Variants in PHLDB1 observed in about 807,000 individuals in gnomAD.
PHLDB1 encodes the protein pleckstrin homology like domain family B member 1, also known as pleckstrin homology-like domain family B member 1.
Under a neutral mutation model 139.3 loss-of-function variants are expected in PHLDB1, and 65 were observed. The observed-to-expected ratio is 0.47, with a 90% confidence interval of 0.38 to 0.57. PHLDB1 has a LOEUF of 0.57. Among genes scored for constraint, PHLDB1 ranks in the 20% least tolerant of loss-of-function variants. PHLDB1 has a pLI of 0.00. For synonymous variants in PHLDB1, 679 were observed against 734.5 expected, an observed-to-expected ratio of 0.92 and a Z score of 1.22; for missense variants, 1,624 against 1,839.7, an observed-to-expected ratio of 0.88 and a Z score of 2.14.
rs370269796 is a variant in PHLDB1 at position 118,632,251 on chromosome 11, G to C, written c.2334G>C (p.Glu778Asp). ...AGAAGGCAGTGGATCAGCTGCAGGA[G>C]AAGCTGGTGGCCTTGGAGACAGGCA... ...KEQKAVDQLQ[E>D]KLVALETGIQ... The change falls in exon 9 of 23, where the codon GAG (glutamate) becomes GAC (aspartate). Residue 778 changes from glutamate to aspartate, a missense_variant. Glu to Asp is a conservative substitution (Grantham distance 45, BLOSUM62 2). Coordinates refer to ENST00000600882, the MANE Select transcript of PHLDB1 (RefSeq NM_001144758.3). This position sits in a 1 kb window ranked among gnomAD's most constrained non-coding sequence, Gnocchi z 5.9. 1 of 1,613,618 alleles carries C rather than the reference G, an allele frequency of 6.2e-7. No homozygotes were observed.
chr11:118,655,869 T>C lies in PHLDB1; in HGVS notation c.3970T>C (p.Phe1324Leu). The change falls in exon 22 of 23, where the codon TTC (phenylalanine) becomes CTC (leucine). Residue 1324 changes from phenylalanine to leucine, a missense_variant. By Grantham distance (22) the Phe-to-Leu change is conservative (BLOSUM62 0). Coordinates refer to ENST00000600882, the MANE Select transcript of PHLDB1 (RefSeq NM_001144758.3). Reference protein sequence around the residue: ...HLRSAAKKRFFRFTMVTESPN... With the variant: ...HLRSAAKKRFLRFTMVTESPN... Reference sequence around the variant, plus strand: ...CCTCTCCCCTTCCCAGAAGAGGTTTTTCCGCTTCACTATGGTGACTGAGGT... The same window carrying C: ...CCTCTCCCCTTCCCAGAAGAGGTTTCTCCGCTTCACTATGGTGACTGAGGT... 1.9e-6 allele frequency: 3 copies of C among 1,612,864 alleles called. No individual in the cohort carries two copies. Among genetic ancestry groups the C allele is most frequent in the South Asian group, 2.2e-5 (2 of 91,050 alleles).
chr11:118,635,370 C>A (rs1555114526), intron 9 of PHLDB1, 23 bp from the exon 10 acceptor site: 2 of 1,555,486 alleles, frequency 1.3e-6, no homozygotes, highest in Admixed American at 3.9e-5. Context: ...ACCACCCAAC[C>A]CCCTTTGTCA....
At chr11:118,617,279 C>T (rs782736584) in intron 4 of PHLDB1, among the ~76,000 whole-genome samples, 24 of 152,188 alleles carry the variant, frequency 1.6e-4, no homozygotes, top group Non-Finnish European at 3.2e-4. Context: ...AGGACAGGAA[C>T]TTTGGGCTAA....
Position 118,631,997 on chromosome 11 carries a change from C to G in PHLDB1, c.2185C>G (p.Gln729Glu), listed in dbSNP as rs1015028325. 18 of 1,614,018 alleles carry G rather than the reference C, an allele frequency of 1.1e-5. No individual in the cohort carries two copies. The highest frequency in any genetic ancestry group is 1.7e-5 in the Admixed American group (1 of 60,014). Residue 729 changes from glutamine (Q) to glutamate (E), a missense_variant, in exon 8 of 23, where the codon CAG becomes GAG. Physicochemically the swap from Gln to Glu is conservative, Grantham distance 29. Coordinates refer to ENST00000600882, the MANE Select transcript of PHLDB1 (RefSeq NM_001144758.3). ...GGCTCAGGTGCTGGGGCACGTGGAGCAGCTCAAGGTCCGTGTGAAGGAGCT... is the reference window on the plus strand; with the variant it reads ...GGCTCAGGTGCTGGGGCACGTGGAGGAGCTCAAGGTCCGTGTGAAGGAGCT... ...ERAQVLGHVE[Q>E]LKVRVKELEQ...
intron 4 of PHLDB1, among the ~76,000 whole-genome samples, chr11:118,622,720 T>C (rs1416809197): frequency 6.6e-6 from 1 of 152,106 alleles, no homozygotes; most frequent in Non-Finnish European, 1.5e-5. Context: ...CCCTGTGAAC[T>C]CATCACCAGT....
chr11:118,649,977 A>T (rs1268979968), intron 18 of PHLDB1, 100 bp from the exon 19 acceptor site: 1 of 841,404 alleles, frequency 1.2e-6, no homozygotes, highest in Non-Finnish European at 2.1e-6. Flanking sequence ...GGGAGGTGTG[A>T]TGTCAGGCTG....
intron 20 of PHLDB1, chr11:118,653,656 GA>G (rs1948640619): frequency 6.6e-6 from 1 of 152,198 alleles, no homozygotes; most frequent in Non-Finnish European, 1.5e-5. Context: ...AGTTTCCTAA[GA>G]GAAGGGTCTC....
rs1240629292 is a variant in PHLDB1, at chr11:118,608,972, C to T, written c.-22+1273C>T. Among the ~76,000 whole-genome samples the T allele has an allele frequency of 3.3e-5, 5 of 149,712 alleles. No individual in the cohort carries two copies. The highest frequency in any genetic ancestry group is 6.6e-5 in the Admixed American group (1 of 15,086). On this transcript the variant is annotated intron_variant, in intron 1 of 22. Transcript: ENST00000600882. The surrounding 1 kb of genome is among the most constrained non-coding windows in gnomAD (Gnocchi z 6.7). ...CACACGTACCCGTCACACATGAGGC[C>T]CCAGCTCACACACGAAGCCCAGCTC... is the stretch of plus-strand genomic sequence containing the variant.
intron 13 of PHLDB1, among the ~76,000 whole-genome samples, chr11:118,643,239 G>A (rs1946874284): frequency 6.6e-6 from 1 of 152,154 alleles, no homozygotes; most frequent in Admixed American, 6.5e-5. Context: ...TGAAACACTG[G>A]GGCCTAGAGA....
Position 118,650,503 on chromosome 11 carries a change from G to A in PHLDB1, c.3830G>A (p.Trp1277Ter). The change falls in exon 20 of 23, where the codon TGG becomes TAG. Residue 1277 changes from tryptophan (W) to a stop codon, truncating the protein, a stop_gained. Coordinates refer to ENST00000600882, the MANE Select transcript of PHLDB1 (RefSeq NM_001144758.3). LOFTEE classifies it high-confidence loss of function. This position sits in a 1 kb window ranked among gnomAD's most constrained non-coding sequence, Gnocchi z 4.7. ...GGKIKSWKKR[W>*]FVFDRLKRTL... The stretch of plus-strand genomic sequence containing the variant: ...AAGATTAAATCATGGAAGAAGCGCT[G>A]GTTTGTCTTCGACCGGCTCAAGCGC... The A allele has an allele frequency of 6.2e-7, 1 of 1,614,132 alleles. No homozygotes were observed. The highest frequency in any genetic ancestry group is 8.5e-7 in the Non-Finnish European group (1 of 1,179,980).
intron 1 of PHLDB1, chr11:118,613,583 C>T: frequency 7.3e-6 from 5 of 682,552 alleles, no homozygotes; most frequent in African/African-American, 1.8e-5. Flanking sequence ...TTTGTGCTTA[C>T]AGTGGCAGGG....
At chr11:118,635,246 A>C in intron 9 of PHLDB1, 147 bp from the exon 10 acceptor site, 2 of 944,792 alleles carry the variant, frequency 2.1e-6, no homozygotes, top group Non-Finnish European at 1.6e-6. Context: ...GGCAAGGCCA[A>C]GTACAGCGGG....
chr11:118,654,190 TG>T (rs1948715710), intron 20 of PHLDB1: 1 of 152,300 alleles, frequency 6.6e-6, no homozygotes, highest in Non-Finnish European at 1.5e-5. Context: ...GGATGTCAGC[TG>T]TAGCATCTGA....
chr11:118,630,655 C>T (rs1214365464), intron 6 of PHLDB1, among the ~76,000 whole-genome samples: 3 of 152,078 alleles, frequency 2.0e-5, no homozygotes, highest in Non-Finnish European at 4.4e-5. Context: ...CATGTCAGGG[C>T]TGGTGTCTCT....
chr11:118,629,758 G>A (rs1318240550), intron 6 of PHLDB1, among the ~76,000 whole-genome samples: 4 of 152,154 alleles, frequency 2.6e-5, no homozygotes, highest in African/African-American at 9.7e-5. Flanking sequence ...GCCATTCTAA[G>A]CTGGGGTCTC....
At position 118,627,876 on chromosome 11, in the gene PHLDB1, G is replaced by C. The variant is rs782337674; in HGVS notation, c.1053G>C (p.Arg351=). The C allele has an allele frequency of 6.2e-7, 1 of 1,609,666 alleles. No homozygotes were observed. Among genetic ancestry groups the C allele is most frequent in the South Asian group, 1.1e-5 (1 of 91,084 alleles). Residue 351 remains arginine (R), a synonymous_variant, in exon 6 of 23, where the codon CGG becomes CGC. Coordinates refer to ENST00000600882, the MANE Select transcript of PHLDB1 (RefSeq NM_001144758.3). ...CCCGGAGAGCCACTGAGAGCCCCCGGCTGGGTGGGCAGCTGCCTGTGGTGG... is the reference window on the plus strand; with the variant it reads ...CCCGGAGAGCCACTGAGAGCCCCCGCCTGGGTGGGCAGCTGCCTGTGGTGG... ...AEARRATESP[R]LGGQLPVVAI... is the part of the protein sequence containing the mutation.
Position 118,628,358 on chromosome 11 carries a change from G to T in PHLDB1, c.1535G>T (p.Arg512Leu). 1 of 1,611,534 alleles carries T rather than the reference G, an allele frequency of 6.2e-7. No homozygotes were observed. The highest frequency in any genetic ancestry group is 1.1e-5 in the South Asian group (1 of 90,906). ...GACTTCTCCCTGACGCTGGGGGCAC[G>T]GGGCCGTAGGACACGGAGCCCCTCA... ...PEDFSLTLGA[R>L]GRRTRSPSPT... Residue 512 changes from arginine to leucine, a missense_variant, in exon 6 of 23, where the codon CGG becomes CTG. Physicochemically the swap from Arg to Leu is moderately radical, Grantham distance 102. Transcript: ENST00000600882.
At chr11:118,622,613 T>G (rs2135990944) in intron 4 of PHLDB1, among the ~76,000 whole-genome samples, 1 of 152,242 alleles carries the variant, frequency 6.6e-6, no homozygotes, top group East Asian at 1.9e-4. Context: ...TGGGCTGGAA[T>G]CCACTCAGAC....
In PHLDB1 at chr11:118,611,488, AT is replaced by A. The variant is rs1940297474; in HGVS notation, c.-21-2327del. 6.6e-6 allele frequency among the ~76,000 whole-genome samples: 1 copy of A among 152,180 alleles called. No homozygotes were observed. The highest frequency in any genetic ancestry group is 2.4e-5 in the African/African-American group (1 of 41,442). On this transcript the variant is annotated intron_variant, in intron 1 of 22. Transcript: ENST00000600882. The surrounding 1 kb of genome is among the most constrained non-coding windows in gnomAD (Gnocchi z 4.7). Reference sequence around the variant, plus strand: ...CTGCCCCACACGGCGATAGTGACCAATACTCCAATATGACAGATAAATAAAC... The same window carrying A: ...CTGCCCCACACGGCGATAGTGACCAAACTCCAATATGACAGATAAATAAAC...
Sources: allele counts gnomAD v4.1 joint callset (sites outside exome capture counted in the v4.1 genomes callset), GRCh38; gene constraint gnomAD v4.1.1; non-coding constraint Gnocchi (gnomAD v3.1); transcripts MANE v1.5; gene names NCBI Gene and HGNC (gene_info 2026-07-23, HGNC 2026-07-21).